Variants in PROM1 observed in about 807,000 individuals in gnomAD.
The protein encoded by PROM1 is prominin-1.
In PROM1, 105 loss-of-function variants were observed where a neutral mutation model predicts 116.9. The ratio of observed to expected loss-of-function variants is 0.90; its 90% confidence interval spans 0.77 to 1.06. PROM1 has a LOEUF of 1.06. PROM1 is among the 50% of genes least tolerant of loss of function. The pLI is 0.00. For missense variants in PROM1, 1,122 were observed against 1,045.2 expected (o/e 1.07, Z -1.01); for synonymous variants, 393 against 387.0 (o/e 1.02, Z -0.18).
At chr4:16,055,129 C>T (rs11944095) in intron 2 of PROM1, 2 of 262,198 alleles carry the variant, frequency 7.6e-6, no homozygotes, top group Admixed American at 4.4e-5. Context: ...CTTAGTAAAA[C>T]TTGCATGCCC....
intron 2 of PROM1, among the ~76,000 whole-genome samples, chr4:16,058,640 C>A (rs1178859496): frequency 1.3e-5 from 2 of 148,904 alleles, no homozygotes; most frequent in African/African-American, 5.0e-5. Flanking sequence ...GAATAAGACT[C>A]CATCTCCGGG....
intron 1 of PROM1, among the ~76,000 whole-genome samples, chr4:16,082,865 A>C (rs368301537): frequency 6.6e-6 from 1 of 151,930 alleles, no homozygotes; most frequent in African/African-American, 2.4e-5. Context: ...GACTTTCTAC[A>C]GCCGTGAAGC....
rs563772165 is a variant in PROM1, at chr4:15,978,482, G to A, written c.2582+913C>T. Among the ~76,000 whole-genome samples, 5 of 152,288 alleles carry A rather than the reference G, an allele frequency of 3.3e-5. No homozygotes were observed. The South Asian group carries it at 8.3e-4, about 25-fold the overall frequency. ...TGACTGGTAAGCAGCTTCTGGCCTG[G>A]GAGGCTCTAAATATAAATACCTGGT... is the stretch of plus-strand genomic sequence containing the variant. On this transcript the variant is annotated intron_variant, in intron 26 of 27. Coordinates refer to ENST00000447510, the MANE Select transcript of PROM1 (RefSeq NM_006017.3).
At chr4:15,986,065 G>C (rs775069572) in intron 20 of PROM1, 28 bp from the exon 21 acceptor site, 1 of 1,464,038 alleles carries the variant, frequency 6.8e-7, no homozygotes, top group South Asian at 1.2e-5. Context: ...AGTTATCAGG[G>C]TATCAAGTCA....
At chr4:16,064,691 G>A (rs1485692926) in intron 2 of PROM1, among the ~76,000 whole-genome samples, 1 of 152,118 alleles carries the variant, frequency 6.6e-6, no homozygotes, top group Non-Finnish European at 1.5e-5. Flanking sequence ...TCACGAGTTC[G>A]AGACCAGCCT....
intron 8 of PROM1, among the ~76,000 whole-genome samples, chr4:16,022,411 G>A (rs1371345475): frequency 2.0e-5 from 3 of 152,206 alleles, no homozygotes; most frequent in Admixed American, 1.3e-4. Flanking sequence ...CAGGGTCAAG[G>A]AGAAAGGGAA....
intron 2 of PROM1, among the ~76,000 whole-genome samples, chr4:16,062,084 G>C (rs1018623271): frequency 5.9e-5 from 9 of 151,928 alleles, no homozygotes; most frequent in African/African-American, 2.2e-4. Context: ...AGTAGAGACG[G>C]GGTTTCACCG....
At position 16,000,112 on chromosome 4, in the gene PROM1, A is replaced by C. The variant is rs181899313; in HGVS notation, c.1578+384T>G. On this transcript the variant is annotated intron_variant, in intron 14 of 27. Transcript: ENST00000447510. Reference sequence around the variant, plus strand: ...GTGTGGACACCTCTGTCACCTGGGAATCTCCCAGGGTGTGTGGGAGGAACC... The same window carrying C: ...GTGTGGACACCTCTGTCACCTGGGACTCTCCCAGGGTGTGTGGGAGGAACC... 2.6e-5 allele frequency among the ~76,000 whole-genome samples: 4 copies of C among 152,286 alleles called. No individual in the cohort carries two copies. In the East Asian group the frequency reaches 7.7e-4, roughly 29 times the overall value.
chr4:16,069,011 G>C (rs904042543), intron 2 of PROM1, among the ~76,000 whole-genome samples: 1 of 152,200 alleles, frequency 6.6e-6, no homozygotes, highest in Non-Finnish European at 1.5e-5. Context: ...AAGGCATGCG[G>C]ATCACCTGAG....
At chr4:16,059,531 C>G (rs552245920) in intron 2 of PROM1, among the ~76,000 whole-genome samples, 1 of 152,202 alleles carries the variant, frequency 6.6e-6, no homozygotes, top group East Asian at 1.9e-4. Flanking sequence ...TGGGGAGATC[C>G]TGTCTCTCTA....
intron 20 of PROM1, among the ~76,000 whole-genome samples, chr4:15,986,565 G>A (rs1577849009): frequency 6.6e-6 from 1 of 152,146 alleles, no homozygotes; most frequent in Non-Finnish European, 1.5e-5. Context: ...CTCAGTCAAT[G>A]GCCAGTTTCT....
At chr4:16,015,838 C>T (rs1335937405) in intron 10 of PROM1, among the ~76,000 whole-genome samples, 1 of 152,142 alleles carries the variant, frequency 6.6e-6, no homozygotes, top group African/African-American at 2.4e-5. Flanking sequence ...AGCTGACTCA[C>T]TGGCAGAGGG....
chr4:15,996,109 G>A (rs1186175135), intron 15 of PROM1, among the ~76,000 whole-genome samples: 1 of 152,208 alleles, frequency 6.6e-6, no homozygotes, highest in South Asian at 2.1e-4. Flanking sequence ...CAACCGAGGT[G>A]TTTCCATCAG....
chr4:16,067,624 T>C (rs1169997637), intron 2 of PROM1, among the ~76,000 whole-genome samples: 1 of 152,206 alleles, frequency 6.6e-6, no homozygotes, highest in Non-Finnish European at 1.5e-5. Flanking sequence ...TGACCTAATT[T>C]GTGGCTAGGC....
intron 17 of PROM1, among the ~76,000 whole-genome samples, chr4:15,991,799 G>T (rs1308430093): frequency 6.6e-6 from 1 of 151,888 alleles, no homozygotes; most frequent in East Asian, 1.9e-4. Context: ...AGCTGGGCGT[G>T]GTGGCAGGCG....
rs777036344 is a variant in PROM1 at position 16,018,445 on chromosome 4, C to G, written c.880G>C (p.Val294Leu). The G allele has an allele frequency of 3.1e-6, 5 of 1,613,634 alleles. No individual in the cohort carries two copies. Among genetic ancestry groups the G allele is most frequent in the Non-Finnish European group, 4.2e-6 (5 of 1,179,902 alleles). ...STQLSSSLTS[V>L]KTSLRSSLND... ...AGAGATGACCGCAGGCTAGTTTTCA[C>G]GCTGGTCAGACTGCTGCTAAGCTGT... Residue 294 changes from valine (V) to leucine (L), a missense_variant, in exon 9 of 28, where the codon GTG becomes CTG. Physicochemically the swap from Val to Leu is conservative, Grantham distance 32 (BLOSUM62 1). Coordinates refer to ENST00000447510, the MANE Select transcript of PROM1 (RefSeq NM_006017.3).
chr4:15,977,007 GGCAACTCCCTACAGGCCAT>G (rs1220591046), intron 26 of PROM1, among the ~76,000 whole-genome samples: 8 of 152,188 alleles, frequency 5.3e-5, no homozygotes, highest in Non-Finnish European at 8.8e-5. Context: ...GCCCAGTGTG[GGCAACTCCCTACAGGCCAT>G]GCTTGATCCA....
At chr4:15,990,809 C>T (rs774397402) in intron 18 of PROM1, among the ~76,000 whole-genome samples, 1 of 152,228 alleles carries the variant, frequency 6.6e-6, no homozygotes, top group Admixed American at 6.5e-5. Context: ...AGTTACCACT[C>T]ATTTTCTAGC....
intron 13 of PROM1, among the ~76,000 whole-genome samples, chr4:16,005,041 T>C (rs927903390): frequency 1.3e-5 from 2 of 149,426 alleles, no homozygotes; most frequent in Non-Finnish European, 1.5e-5. Flanking sequence ...CGGCTCACTG[T>C]AACCTTTGCC....
Sources: gnomAD v4.1 joint callset for allele counts (sites outside exome capture counted in the v4.1 genomes callset) on GRCh38, gnomAD v4.1.1 for gene constraint, MANE v1.5 for transcripts, NCBI Gene and HGNC (gene_info 2026-07-23, HGNC 2026-07-21) for gene names.